Variants in CTNNA3 observed in about 807,000 individuals in gnomAD.
CTNNA3 encodes the protein catenin alpha 3.
A neutral mutation model predicts 95.7 loss-of-function variants in CTNNA3; 76 were observed. The ratio of observed to expected loss-of-function variants is 0.79; its 90% CI spans 0.66 to 0.96. CTNNA3 has a LOEUF of 0.96. CTNNA3 is among the 40% of genes least tolerant of loss of function. The pLI is 0.00. For synonymous variants in CTNNA3, 431 were observed against 374.4 expected (o/e 1.15, Z -1.74); for missense variants, 1,191 against 1,089.8 (o/e 1.09, Z -1.31).
At chr10:67,560,837 C>A (rs1189395828) in intron 3 of CTNNA3, among the ~76,000 whole-genome samples, 4 of 151,958 alleles carry the variant, frequency 2.6e-5, no homozygotes, top group African/African-American at 4.8e-5. Context: ...GGGTTGCAAT[C>A]CTAGTCTCTA....
chr10:66,002,385 C>G (rs1052273527), intron 15 of CTNNA3, among the ~76,000 whole-genome samples: 2 of 152,074 alleles, frequency 1.3e-5, no homozygotes, highest in African/African-American at 2.4e-5. Flanking sequence ...TAATTAGTAT[C>G]CTGAAGAACT....
At chr10:67,657,742 G>A (rs546274191) in intron 1 of CTNNA3, among the ~76,000 whole-genome samples, 34 of 151,118 alleles carry the variant, frequency 2.2e-4, no homozygotes, top group Admixed American at 2.2e-3. Flanking sequence ...AGCTACTCGG[G>A]AGGCTGAGGC....
intron 7 of CTNNA3, among the ~76,000 whole-genome samples, chr10:67,171,649 G>A (rs1862027948): frequency 6.6e-6 from 1 of 151,942 alleles, no homozygotes; most frequent in Non-Finnish European, 1.5e-5. Context: ...CTATTCAGGA[G>A]GCTGTAGTGG....
chr10:67,762,744 G>A (rs974487405), intron 1 of CTNNA3, among the ~76,000 whole-genome samples: 5 of 152,130 alleles, frequency 3.3e-5, no homozygotes, highest in South Asian at 2.1e-4. Flanking sequence ...CAGACAGCCC[G>A]GCGCCACACC....
intron 1 of CTNNA3, among the ~76,000 whole-genome samples, chr10:67,708,226 C>A (rs896450813): frequency 6.6e-6 from 1 of 152,124 alleles, no homozygotes; most frequent in South Asian, 2.1e-4. Flanking sequence ...TAGTCAATAA[C>A]CTTAACAAGC....
intron 13 of CTNNA3, among the ~76,000 whole-genome samples, chr10:66,191,775 G>A (rs1589686863): frequency 6.6e-6 from 1 of 152,094 alleles, no homozygotes; most frequent in Non-Finnish European, 1.5e-5. Context: ...ATCCATAATG[G>A]CCCTTGCTAT....
chr10:66,707,459 A>T (rs772100401), intron 9 of CTNNA3, among the ~76,000 whole-genome samples: 11 of 152,024 alleles, frequency 7.2e-5, no homozygotes, highest in Admixed American at 5.9e-4. Flanking sequence ...TCCCTCTTAC[A>T]CTCTGTGTAT....
At chr10:67,630,338 T>A (rs989629303) in intron 2 of CTNNA3, among the ~76,000 whole-genome samples, 9 of 152,212 alleles carry the variant, frequency 5.9e-5, no homozygotes, top group Non-Finnish European at 7.3e-5. Flanking sequence ...CATGTCCAGG[T>A]GAACATTTTA....
chr10:67,098,937 T>G (rs183503458), intron 7 of CTNNA3: 1 of 152,022 alleles, frequency 6.6e-6, no homozygotes, highest in East Asian at 1.9e-4. Flanking sequence ...AGGAAACATA[T>G]GAATTTGTTT....
At chr10:66,959,654 A>G (rs1459350260) in intron 7 of CTNNA3, among the ~76,000 whole-genome samples, 4 of 152,168 alleles carry the variant, frequency 2.6e-5, no homozygotes, top group Non-Finnish European at 4.4e-5. Context: ...TATTTGTGCC[A>G]ATGCCCCCAT....
At chr10:66,875,395 TAA>T (rs76999620) in intron 7 of CTNNA3, among the ~76,000 whole-genome samples, 63,220 of 146,830 alleles carry the variant, frequency 0.43, 13,650 homozygotes, top group Non-Finnish European at 0.46. Flanking sequence ...CACTGTTATT[TAA>T]AAAAAAAAAA....
intron 13 of CTNNA3, among the ~76,000 whole-genome samples, chr10:66,194,020 A>T (rs1471852477): frequency 6.6e-6 from 1 of 152,168 alleles, no homozygotes; most frequent in Non-Finnish European, 1.5e-5. Flanking sequence ...AAATTTAAAC[A>T]TAGCATATTC....
chr10:66,798,563 T>G (rs1325588174), intron 7 of CTNNA3, among the ~76,000 whole-genome samples: 1 of 151,548 alleles, frequency 6.6e-6, no homozygotes, highest in Admixed American at 6.6e-5. Context: ...CAGATCAATC[T>G]TAGTTCTTTC....
At chr10:67,053,352 A>C (rs1855228120) in intron 7 of CTNNA3, among the ~76,000 whole-genome samples, 1 of 152,164 alleles carries the variant, frequency 6.6e-6, no homozygotes, top group Non-Finnish European at 1.5e-5. Flanking sequence ...CTGAGGTGAG[A>C]TAGAAGAAGT....
chr10:67,074,502 C>T (rs558983036), intron 7 of CTNNA3, among the ~76,000 whole-genome samples: 266 of 151,964 alleles, frequency 1.8e-3, no homozygotes, highest in Non-Finnish European at 3.1e-3. Flanking sequence ...AGGCGCCCAC[C>T]ACCACGCCCG....
chr10:66,400,741 A>G (rs1441689931), intron 11 of CTNNA3, among the ~76,000 whole-genome samples: 1 of 152,154 alleles, frequency 6.6e-6, no homozygotes, highest in Non-Finnish European at 1.5e-5. Context: ...CAATAGATAG[A>G]TAGCTATATC....
Position 67,202,013 on chromosome 10 carries a change from C to T in CTNNA3, c.843+17594G>A, listed in dbSNP as rs373628994. On this transcript the variant is annotated intron_variant, in intron 6 of 17. Transcript: ENST00000433211. Reference sequence around the variant, plus strand: ...TGCCATTTCTTTTAAATGTTAATCACGCTTATGATAAAAACTAATATGTTG... The same window carrying T: ...TGCCATTTCTTTTAAATGTTAATCATGCTTATGATAAAAACTAATATGTTG... 3.3e-5 allele frequency among the ~76,000 whole-genome samples: 5 copies of T among 152,120 alleles called. No individual in the cohort carries two copies. In the East Asian group the frequency reaches 5.8e-4, roughly 18 times the overall value.
At chr10:67,442,387 A>C (rs2132935813) in intron 5 of CTNNA3, among the ~76,000 whole-genome samples, 1 of 152,288 alleles carries the variant, frequency 6.6e-6, no homozygotes, top group African/African-American at 2.4e-5. Context: ...AAATGGACTA[A>C]ACTCTGCAAT....
chr10:65,988,828 G>T (rs768010244), intron 15 of CTNNA3, 31 bp from the exon 16 acceptor site: 3 of 1,493,850 alleles, frequency 2.0e-6, no homozygotes, highest in Non-Finnish European at 2.8e-6. Context: ...GTTAGCTGTG[G>T]TGTTCATGAG....
Sources: gnomAD v4.1 joint callset for allele counts (sites outside exome capture counted in the v4.1 genomes callset) on GRCh38, gnomAD v4.1.1 for gene constraint, MANE v1.5 for transcripts, NCBI Gene and HGNC (gene_info 2026-07-23, HGNC 2026-07-21) for gene names.